The following DLAT variants were observed in gnomAD, a reference collection of about 807,000 sequenced individuals.
The protein encoded by DLAT is dihydrolipoamide S-acetyltransferase.
DLAT carries 43 observed loss-of-function variants against 68.0 expected under a neutral mutation model. The ratio of observed to expected loss-of-function variants is 0.63; its 90% CI spans 0.50 to 0.81. DLAT has a LOEUF of 0.81. DLAT is among the 40% of genes least tolerant of loss of function. The pLI is 0.00. For missense variants in DLAT, 745 were observed against 815.4 expected, an observed-to-expected ratio of 0.91 and a Z score of 1.05; for synonymous variants, 265 against 288.6, an observed-to-expected ratio of 0.92 and a Z score of 0.83.
intron 11 of DLAT, 124 bp from the exon 12 acceptor site, chr11:112,059,779 G>A: frequency 2.7e-6 from 2 of 738,034 alleles, no homozygotes; most frequent in South Asian, 4.0e-5. Flanking sequence ...TTTTGTCTTT[G>A]GCTGAACAAT....
At chr11:112,039,978 ATTAC>A (rs1862969212) in intron 7 of DLAT, among the ~76,000 whole-genome samples, 2 of 152,210 alleles carry the variant, frequency 1.3e-5, no homozygotes, top group South Asian at 4.1e-4. Context: ...TTTCCAGTGA[ATTAC>A]TTAGATTGTA....
chr11:112,038,839 C>CT (rs1555180759), intron 6 of DLAT, among the ~76,000 whole-genome samples: 1 of 148,618 alleles, frequency 6.7e-6, no homozygotes, highest in Admixed American at 6.7e-5. Flanking sequence ...GAGCAAGACT[C>CT]TGTCTCAAAT....
At chr11:112,054,525 G>A (rs56930754) in intron 11 of DLAT, among the ~76,000 whole-genome samples, 3 of 152,042 alleles carry the variant, frequency 2.0e-5, no homozygotes, top group Non-Finnish European at 4.4e-5. Flanking sequence ...AATTCTTTCT[G>A]AAACTCCACA....
intron 2 of DLAT, among the ~76,000 whole-genome samples, chr11:112,027,118 G>T (rs1217846967): frequency 6.6e-6 from 1 of 151,856 alleles, no homozygotes; most frequent in African/African-American, 2.4e-5. Context: ...TGGCTGCCGG[G>T]CGGAGGGGCT....
At chr11:112,034,836 C>T (rs190210823) in intron 5 of DLAT, among the ~76,000 whole-genome samples, 18 of 150,606 alleles carry the variant, frequency 1.2e-4, no homozygotes, top group Admixed American at 9.3e-4. Context: ...TACAGTGGTG[C>T]GATCTTGGCT....
intron 2 of DLAT, among the ~76,000 whole-genome samples, chr11:112,026,907 C>T (rs1487942525): frequency 2.6e-5 from 4 of 152,014 alleles, no homozygotes. Context: ...AGAGGCGCCC[C>T]TCACCTCCCG....
At chr11:112,048,506 G>A (rs587614599) in intron 10 of DLAT, among the ~76,000 whole-genome samples, 1 of 152,076 alleles carries the variant, frequency 6.6e-6, no homozygotes. Context: ...ATACTATGCT[G>A]AATAGGAGTG....
intron 11 of DLAT, among the ~76,000 whole-genome samples, chr11:112,052,437 T>C (rs1276769247): frequency 1.3e-5 from 2 of 152,226 alleles, no homozygotes; most frequent in African/African-American, 4.8e-5. Flanking sequence ...CTTGTTGCTG[T>C]GACCTCTTCC....
chr11:112,061,069 T>A lies in DLAT; in HGVS notation c.1709T>A (p.Met570Lys). ...ACTTTTACGATCTCCAATTTAGGAA[T>A]GTTTGGAATTAAGAATTTCTCTGCT... Reference protein sequence around the residue: ...GGTFTISNLGMFGIKNFSAII... With the variant: ...GGTFTISNLGKFGIKNFSAII... Residue 570 changes from methionine to lysine, a missense_variant, in exon 13 of 14, where the codon ATG becomes AAG. Transcript: ENST00000280346. 6.2e-7 allele frequency: 1 copy of A among 1,611,092 alleles called. No individual in the cohort carries two copies.
intron 7 of DLAT, among the ~76,000 whole-genome samples, chr11:112,041,861 G>A (rs1321483978): frequency 5.3e-5 from 8 of 151,014 alleles, no homozygotes; most frequent in Admixed American, 5.3e-4. Flanking sequence ...CAGCCTGGGC[G>A]ACAGAGCAAG....
At chr11:112,043,032 C>A (rs1555181099) in intron 7 of DLAT, among the ~76,000 whole-genome samples, 1 of 152,200 alleles carries the variant, frequency 6.6e-6, no homozygotes, top group Non-Finnish European at 1.5e-5. Flanking sequence ...CAAATGAAAT[C>A]TATTTCACGG....
intron 4 of DLAT, among the ~76,000 whole-genome samples, chr11:112,032,113 C>T (rs1208470735): frequency 6.6e-6 from 1 of 151,662 alleles, no homozygotes; most frequent in Non-Finnish European, 1.5e-5. Context: ...AACTCCTGGC[C>T]TCAAGTGATC....
chr11:112,056,738 A>G lies in DLAT; in HGVS notation c.1515-3165A>G, dbSNP rs1046573003. On this transcript the variant is annotated intron_variant, in intron 11 of 13. Coordinates refer to ENST00000280346, the MANE Select transcript of DLAT (RefSeq NM_001931.5). ...GGGTAAAATTATGTTTAATTTTTAG[A>G]GAAACTTCTACATTATTTTTCAAAG... Among the ~76,000 whole-genome samples, 42 of 152,194 alleles carry G rather than the reference A, an allele frequency of 2.8e-4. 1 individual carries two copies. The highest frequency in any genetic ancestry group is 2.4e-4 in the Non-Finnish European group (16 of 68,044).
chr11:112,060,887 A>T, intron 12 of DLAT, 151 bp from the exon 13 acceptor site: 1 of 639,662 alleles, frequency 1.6e-6, no homozygotes, highest in South Asian at 2.0e-5. Context: ...TCATATTGTA[A>T]TGGTTGTATA....
chr11:112,061,179 G>A lies in DLAT; in HGVS notation c.1814+5G>A, dbSNP rs782030641. ...CCCTGCAGATAATGAAAAAGGGTAA[G>A]TGCCAAAATGGAGGGGAAGTCGTAA... On this transcript the variant is annotated splice_donor_5th_base_variant and intron_variant, in intron 13 of 13. Coordinates refer to ENST00000280346, the MANE Select transcript of DLAT (RefSeq NM_001931.5). 1.5e-5 allele frequency: 24 copies of A among 1,614,030 alleles called. No individual in the cohort carries two copies. In the South Asian group the frequency reaches 2.4e-4, roughly 16 times the overall value.
In DLAT at chr11:112,034,947, G is replaced by A. The variant is rs1008890470; in HGVS notation, c.787+1417G>A. Among the ~76,000 whole-genome samples, 5 of 151,804 alleles carry A rather than the reference G, an allele frequency of 3.3e-5. No individual in the cohort carries two copies. The South Asian group carries it at 1.0e-3, about 32-fold the overall frequency. ...CACCACCATGCCTGGCTAATTTTTT[G>A]CATTTTTAGTAGAGATGGAGTTTCA... On this transcript the variant is annotated intron_variant, in intron 5 of 13. Coordinates refer to ENST00000280346, the MANE Select transcript of DLAT (RefSeq NM_001931.5).
At chr11:112,048,090 A>G (rs2137805333) in intron 10 of DLAT, among the ~76,000 whole-genome samples, 1 of 152,326 alleles carries the variant, frequency 6.6e-6, no homozygotes, top group Middle Eastern at 3.4e-3. Context: ...GATTCTTCCT[A>G]TGCATGAGCA....
chr11:112,045,502 A>G (rs1236125888), intron 9 of DLAT, among the ~76,000 whole-genome samples: 3 of 152,144 alleles, frequency 2.0e-5, no homozygotes, highest in African/African-American at 7.2e-5. Flanking sequence ...CCTGGCCAAC[A>G]TAGTGAAACA....
At chr11:112,045,064 A>C in intron 8 of DLAT, 74 bp from the exon 9 acceptor site, 1 of 1,122,928 alleles carries the variant, frequency 8.9e-7, no homozygotes, top group Non-Finnish European at 1.4e-6. Flanking sequence ...CTGCATAGTC[A>C]CTGGCAGTCT....
Sources: allele counts gnomAD v4.1 joint callset (sites outside exome capture counted in the v4.1 genomes callset), GRCh38; gene constraint gnomAD v4.1.1; transcripts MANE v1.5; gene names NCBI Gene and HGNC (gene_info 2026-07-23, HGNC 2026-07-21).